The following UNC5D variants were observed in gnomAD, a reference collection of about 807,000 sequenced individuals.
UNC5D encodes the protein netrin receptor UNC5D.
UNC5D carries 39 observed loss-of-function variants against 105.4 expected under a neutral mutation model. That is an observed-to-expected ratio of 0.37 (90% CI 0.29 to 0.48). The LOEUF (loss-of-function observed/expected upper bound fraction) is 0.48. Among genes scored for constraint, UNC5D ranks in the 20% least tolerant of loss-of-function variants. The pLI is 0.98. For missense variants in UNC5D, 991 were observed against 1,202.4 expected (o/e 0.82, Z 2.60); for synonymous variants, 452 against 450.4 (o/e 1.00, Z -0.04).
chr8:35,567,705 A>AG lies in UNC5D; in HGVS notation c.323-389dup, dbSNP rs372044671. Reference sequence around the variant, plus strand: ...CACCCCAGCTGCCAAACCCAGACGTAGGGGCACTTAGAACAACTTGGAACT... The same window carrying AG: ...CACCCCAGCTGCCAAACCCAGACGTAGGGGGCACTTAGAACAACTTGGAACT... On this transcript the variant is annotated intron_variant, in intron 2 of 16. Coordinates refer to ENST00000404895, the MANE Select transcript of UNC5D (RefSeq NM_080872.4). 3.1e-3 allele frequency among the ~76,000 whole-genome samples: 471 copies of AG among 152,288 alleles called. 2 individuals carry two copies. The highest frequency in any genetic ancestry group is 9.1e-3 in the African/African-American group (379 of 41,556).
intron 1 of UNC5D, among the ~76,000 whole-genome samples, chr8:35,248,760 T>TAATATATATAAAATATATAAATATAG: frequency 1.0e-5 from 1 of 98,150 alleles, no homozygotes; most frequent in Non-Finnish European, 1.8e-5. Flanking sequence ...TATAAATATA[T>TAATATATATAAAATATATAAATATAG]ATAATATATT....
intron 1 of UNC5D, among the ~76,000 whole-genome samples, chr8:35,512,569 A>ATATATATATCTATCTATC (rs539399345): frequency 3.1e-5 from 2 of 64,840 alleles, no homozygotes; most frequent in African/African-American, 1.6e-4. Flanking sequence ...ATATATATAT[A>ATATATATATCTATCTATC]TCTGAATAGA....
At chr8:35,418,111 G>C (rs1049860286) in intron 1 of UNC5D, among the ~76,000 whole-genome samples, 1 of 152,064 alleles carries the variant, frequency 6.6e-6, no homozygotes. Flanking sequence ...AATAGAGATA[G>C]GGGATTGATT....
chr8:35,428,422 G>C (rs764499280), intron 1 of UNC5D, among the ~76,000 whole-genome samples: 10 of 140,408 alleles, frequency 7.1e-5, no homozygotes, highest in Non-Finnish European at 1.2e-4. Context: ...CTGGGCTCAA[G>C]CGATCCTCCT....
chr8:35,643,802 G>A (rs918362829), intron 4 of UNC5D, among the ~76,000 whole-genome samples: 1 of 152,128 alleles, frequency 6.6e-6, no homozygotes, highest in South Asian at 2.1e-4. Flanking sequence ...AGTAGGCGAT[G>A]AAATCTGGAG....
At chr8:35,762,244 T>TGAGA (rs1801570907) in intron 14 of UNC5D, among the ~76,000 whole-genome samples, 1 of 152,118 alleles carries the variant, frequency 6.6e-6, no homozygotes. Context: ...GCAAACTGCA[T>TGAGA]GAGAAATGTT....
intron 1 of UNC5D, among the ~76,000 whole-genome samples, chr8:35,358,200 A>G (rs376214976): frequency 1.3e-5 from 2 of 152,178 alleles, no homozygotes; most frequent in South Asian, 2.1e-4. Flanking sequence ...ATACATGCGT[A>G]TGTTCATTGC....
intron 11 of UNC5D, among the ~76,000 whole-genome samples, chr8:35,742,824 T>C (rs1829826066): frequency 1.3e-5 from 2 of 152,204 alleles, no homozygotes; most frequent in African/African-American, 4.8e-5. Flanking sequence ...GGTTGGCACT[T>C]GTGTGCAGAT....
Position 35,726,281 on chromosome 8 carries a change from T to TA in UNC5D, c.1433_1434insA (p.Ser479ValfsTer19), listed in dbSNP as rs1473487605. 1 of 1,614,102 alleles carries TA rather than the reference T, an allele frequency of 6.2e-7. No individual in the cohort carries two copies. Among genetic ancestry groups the TA allele is most frequent in the Non-Finnish European group, 8.5e-7 (1 of 1,179,998 alleles). ...ACAGAGTCCTCACTCTTTAACCCTT[T>TA]GTCGGACATCAAAGTGAAAGTCCAG... On this transcript the variant is annotated frameshift_variant, in exon 10 of 17. Transcript: ENST00000404895. LOFTEE classifies it high-confidence loss of function.
At chr8:35,359,142 C>T (rs1480443040) in intron 1 of UNC5D, among the ~76,000 whole-genome samples, 1 of 152,152 alleles carries the variant, frequency 6.6e-6, no homozygotes, top group African/African-American at 2.4e-5. Context: ...CAAGCAAGAC[C>T]CTGTCTTTAA....
intron 1 of UNC5D, among the ~76,000 whole-genome samples, chr8:35,390,848 G>A (rs972183785): frequency 2.0e-5 from 3 of 152,212 alleles, no homozygotes; most frequent in African/African-American, 7.2e-5. Context: ...TGTTAAAAGA[G>A]TGTACCATGT....
intron 4 of UNC5D, among the ~76,000 whole-genome samples, chr8:35,675,307 T>C (rs1825135388): frequency 6.6e-6 from 1 of 152,210 alleles, no homozygotes; most frequent in South Asian, 2.1e-4. Context: ...TGTATGTATA[T>C]TGCACCAACC....
chr8:35,537,884 T>A (rs1310742257), intron 1 of UNC5D, among the ~76,000 whole-genome samples: 1 of 152,034 alleles, frequency 6.6e-6, no homozygotes, highest in Non-Finnish European at 1.5e-5. Context: ...TTTTATTTTT[T>A]AAAAAATTTA....
At chr8:35,768,944 A>G (rs935179278) in intron 15 of UNC5D, among the ~76,000 whole-genome samples, 2 of 152,142 alleles carry the variant, frequency 1.3e-5, no homozygotes, top group Admixed American at 6.5e-5. Context: ...CCTTTCAAGG[A>G]TCACTTTATT....
intron 1 of UNC5D, among the ~76,000 whole-genome samples, chr8:35,296,914 C>A (rs1212299015): frequency 6.6e-6 from 1 of 152,122 alleles, no homozygotes; most frequent in Non-Finnish European, 1.5e-5. Context: ...CAAATAATGC[C>A]ATGCCAATTT....
chr8:35,526,056 C>T (rs867605836), intron 1 of UNC5D, among the ~76,000 whole-genome samples: 1 of 152,162 alleles, frequency 6.6e-6, no homozygotes, highest in South Asian at 2.1e-4. Flanking sequence ...GCAGTGAAAT[C>T]ATTCTCTGTG....
intron 1 of UNC5D, among the ~76,000 whole-genome samples, chr8:35,423,508 T>C (rs1806044851): frequency 6.6e-6 from 1 of 152,224 alleles, no homozygotes; most frequent in Non-Finnish European, 1.5e-5. Flanking sequence ...CTAATTCTAT[T>C]TTTCTCAGTT....
At chr8:35,312,363 T>A (rs1267443874) in intron 1 of UNC5D, among the ~76,000 whole-genome samples, 1 of 152,216 alleles carries the variant, frequency 6.6e-6, no homozygotes, top group Non-Finnish European at 1.5e-5. Flanking sequence ...TTTAAATATA[T>A]GTCCAGGATA....
intron 11 of UNC5D, among the ~76,000 whole-genome samples, chr8:35,743,958 A>T (rs1380775001): frequency 6.6e-6 from 1 of 152,176 alleles, no homozygotes; most frequent in Non-Finnish European, 1.5e-5. Context: ...TTTATATTTC[A>T]CTTGTTATCT....
Sources: allele counts gnomAD v4.1 joint callset (sites outside exome capture counted in the v4.1 genomes callset), GRCh38; gene constraint gnomAD v4.1.1; transcripts MANE v1.5; gene names NCBI Gene and HGNC (gene_info 2026-07-23, HGNC 2026-07-21).